TRPC4: variants seen among roughly 807,000 people sequenced by gnomAD.
TRPC4 encodes the protein short transient receptor potential channel 4.
Under a neutral mutation model 99.4 loss-of-function variants are expected in TRPC4, and 49 were observed. That is an observed-to-expected ratio of 0.49 (90% CI 0.39 to 0.63). The LOEUF is 0.63. Among genes scored for constraint, TRPC4 ranks in the 20% least tolerant of loss-of-function variants. TRPC4 has a pLI of 0.00. For synonymous variants in TRPC4, 454 were observed against 425.9 expected (o/e 1.07, Z -0.81); for missense variants, 898 against 1,152.9 (o/e 0.78, Z 3.20).
intron 2 of TRPC4, among the ~76,000 whole-genome samples, chr13:37,755,062 T>C (rs564210750): frequency 6.6e-6 from 1 of 152,242 alleles, no homozygotes; most frequent in Admixed American, 6.5e-5. Context: ...ATATACATGT[T>C]TGAACCATTA....
At position 37,854,024 on chromosome 13, in the gene TRPC4, A is replaced by T. The variant is rs147118278; in HGVS notation, c.-28+15571T>A. On this transcript the variant is annotated intron_variant, in intron 1 of 10. Transcript: ENST00000379705. Reference sequence around the variant, plus strand: ...GATAGAAAGTATATTCAAAGGGGTAATATCCAAGAATTTCCCAATCCTAGA... The same window carrying T: ...GATAGAAAGTATATTCAAAGGGGTATTATCCAAGAATTTCCCAATCCTAGA... 2.0e-3 allele frequency among the ~76,000 whole-genome samples: 310 copies of T among 152,278 alleles called. 1 individual carries two copies. Among genetic ancestry groups the T allele is most frequent in the Non-Finnish European group, 3.2e-3 (216 of 68,020 alleles).
intron 3 of TRPC4, among the ~76,000 whole-genome samples, chr13:37,719,023 A>G (rs1954774140): frequency 1.3e-5 from 2 of 152,290 alleles, no homozygotes; most frequent in South Asian, 4.1e-4. Flanking sequence ...AAATCTTAAA[A>G]GCAGTCTGAG....
chr13:37,708,271 C>T (rs1280240891), intron 3 of TRPC4, among the ~76,000 whole-genome samples: 2 of 152,062 alleles, frequency 1.3e-5, no homozygotes, highest in Admixed American at 6.6e-5. Context: ...TTCTCTAGTG[C>T]TGGAAAGTCC....
intron 1 of TRPC4, among the ~76,000 whole-genome samples, chr13:37,792,908 G>T (rs1957158269): frequency 6.6e-6 from 1 of 152,084 alleles, no homozygotes; most frequent in African/African-American, 2.4e-5. Flanking sequence ...GAAACTATGT[G>T]GCTTAGGCAT....
chr13:37,859,355 T>A (rs1206429738), intron 1 of TRPC4, among the ~76,000 whole-genome samples: 1 of 151,406 alleles, frequency 6.6e-6, no homozygotes, highest in East Asian at 1.9e-4. Context: ...AAAATTTTTC[T>A]GAAAGTAATG....
At position 37,815,057 on chromosome 13, in the gene TRPC4, G is replaced by C. The variant is rs563265904; in HGVS notation, c.-27-31697C>G. On this transcript the variant is annotated intron_variant, in intron 1 of 10. Coordinates refer to ENST00000379705, the MANE Select transcript of TRPC4 (RefSeq NM_016179.4). ...TGATCAGTTGATTTTTTTTACAAAG[G>C]TGTCAAGAAAAATTTAATGGAAAAA... Among the ~76,000 whole-genome samples the C allele has an allele frequency of 4.6e-5, 7 of 151,650 alleles. No homozygotes were observed. In the South Asian group the frequency reaches 1.0e-3, roughly 22 times the overall value.
chr13:37,786,250 A>G (rs1352506938), intron 1 of TRPC4, among the ~76,000 whole-genome samples: 1 of 151,740 alleles, frequency 6.6e-6, no homozygotes, highest in Non-Finnish European at 1.5e-5. Context: ...TAAAATTTAA[A>G]TATTTACAAT....
At chr13:37,743,358 T>C (rs1955646598) in intron 3 of TRPC4, among the ~76,000 whole-genome samples, 1 of 152,196 alleles carries the variant, frequency 6.6e-6, no homozygotes, top group Non-Finnish European at 1.5e-5. Flanking sequence ...AATTATTAAA[T>C]GCCTTCCATT....
chr13:37,696,527 A>C (rs904996014), intron 3 of TRPC4, among the ~76,000 whole-genome samples: 12 of 152,204 alleles, frequency 7.9e-5, no homozygotes, highest in Non-Finnish European at 1.6e-4. Flanking sequence ...GTCATTCTCT[A>C]TAGGAAGAAA....
chr13:37,815,344 G>C (rs1010146031), intron 1 of TRPC4, among the ~76,000 whole-genome samples: 7 of 151,796 alleles, frequency 4.6e-5, no homozygotes, highest in Non-Finnish European at 8.8e-5. Context: ...AAAGAAGAAA[G>C]ACCCAGCTGT....
intron 10 of TRPC4, among the ~76,000 whole-genome samples, chr13:37,638,036 T>A (rs1340352535): frequency 6.6e-6 from 1 of 152,180 alleles, no homozygotes; most frequent in East Asian, 1.9e-4. Context: ...GTCTGAAAAT[T>A]AAGTGGAGAC....
intron 3 of TRPC4, among the ~76,000 whole-genome samples, chr13:37,701,898 T>G (rs1031156753): frequency 6.6e-6 from 1 of 152,204 alleles, no homozygotes; most frequent in African/African-American, 2.4e-5. Context: ...ATTGTGTTAG[T>G]TCCTAAGGGC....
intron 4 of TRPC4, 98 bp from the exon 5 acceptor site, chr13:37,674,465 G>T: frequency 7.6e-7 from 1 of 1,320,760 alleles, no homozygotes; most frequent in South Asian, 1.5e-5. Flanking sequence ...AGCTACAAGA[G>T]ACCACATTGT....
chr13:37,678,170 T>C (rs986023361), intron 4 of TRPC4, among the ~76,000 whole-genome samples: 1 of 151,964 alleles, frequency 6.6e-6, no homozygotes, highest in Non-Finnish European at 1.5e-5. Flanking sequence ...CAAAAAAGAA[T>C]GAGGGGTTCA....
intron 2 of TRPC4, among the ~76,000 whole-genome samples, chr13:37,765,653 T>G (rs1045510596): frequency 1.3e-5 from 2 of 151,318 alleles, no homozygotes; most frequent in Non-Finnish European, 3.0e-5. Flanking sequence ...ATGAATAAAT[T>G]TTTTCTTTGG....
At chr13:37,728,881 T>C (rs185637131) in intron 3 of TRPC4, among the ~76,000 whole-genome samples, 2 of 152,214 alleles carry the variant, frequency 1.3e-5, no homozygotes, top group Admixed American at 6.6e-5. Flanking sequence ...CCCTCACATA[T>C]GTGATCAAAT....
At chr13:37,806,122 G>T (rs958566336) in intron 1 of TRPC4, among the ~76,000 whole-genome samples, 2 of 151,934 alleles carry the variant, frequency 1.3e-5, no homozygotes, top group Admixed American at 1.3e-4. Flanking sequence ...ACAAACCCAA[G>T]GGACATGTTT....
intron 3 of TRPC4, among the ~76,000 whole-genome samples, chr13:37,710,331 TAC>T (rs779685311): frequency 4.6e-4 from 70 of 152,072 alleles, no homozygotes; most frequent in Non-Finnish European, 8.1e-4. Flanking sequence ...TCTGTTTTAA[TAC>T]ACAGAGTTTG....
chr13:37,792,723 T>TTGTGTG (rs57918365), intron 1 of TRPC4, among the ~76,000 whole-genome samples: 2,896 of 146,626 alleles, frequency 0.02, 97 homozygotes, highest in African/African-American at 0.067. Context: ...GCTTCTAAAT[T>TTGTGTG]TGTGTGTGTG....
Sources: gnomAD v4.1 joint callset for allele counts (sites outside exome capture counted in the v4.1 genomes callset) on GRCh38, gnomAD v4.1.1 for gene constraint, MANE v1.5 for transcripts, NCBI Gene and HGNC (gene_info 2026-07-23, HGNC 2026-07-21) for gene names.